STT3B: variants seen among roughly 807,000 people sequenced by gnomAD.
The protein encoded by STT3B is dolichyl-diphosphooligosaccharide--protein glycosyltransferase subunit STT3B.
A neutral mutation model predicts 96.8 loss-of-function variants in STT3B; 29 were observed. The ratio of observed to expected loss-of-function variants is 0.30; its 90% CI spans 0.22 to 0.41. The LOEUF is 0.41. STT3B is among the 10% of genes least tolerant of loss of function. The pLI, the probability that STT3B is intolerant of heterozygous loss-of-function variation, is 1.00. For synonymous variants in STT3B, 367 were observed against 360.0 expected, an observed-to-expected ratio of 1.02 and a Z score of -0.22; for missense variants, 640 against 1,022.3, an observed-to-expected ratio of 0.63 and a Z score of 5.10.
intron 5 of STT3B, among the ~76,000 whole-genome samples, chr3:31,612,598 T>C (rs1046975722): frequency 6.6e-6 from 1 of 152,204 alleles, no homozygotes. Flanking sequence ...CCATCACTCT[T>C]ATTATTAACT....
At chr3:31,602,818 T>G (rs1698960796) in intron 5 of STT3B, among the ~76,000 whole-genome samples, 1 of 152,076 alleles carries the variant, frequency 6.6e-6, no homozygotes, top group Non-Finnish European at 1.5e-5. Context: ...AATTCTCCAC[T>G]CTACCCAACT....
chr3:31,585,679 C>G (rs1698521125), intron 3 of STT3B, among the ~76,000 whole-genome samples: 1 of 152,028 alleles, frequency 6.6e-6, no homozygotes, highest in South Asian at 2.1e-4. Flanking sequence ...TTCTGTTTCT[C>G]TGTCTATATA....
chr3:31,560,757 C>T (rs574020994), intron 1 of STT3B, among the ~76,000 whole-genome samples: 1 of 152,168 alleles, frequency 6.6e-6, no homozygotes, highest in African/African-American at 2.4e-5. Flanking sequence ...TATCTGTTTG[C>T]AGATTTCTGA....
intron 13 of STT3B, among the ~76,000 whole-genome samples, chr3:31,628,084 T>G (rs903549441): frequency 1.3e-5 from 2 of 152,136 alleles, no homozygotes; most frequent in African/African-American, 4.8e-5. Flanking sequence ...GAGTAGATAT[T>G]TCAGTGTTCT....
At chr3:31,619,281 C>G (rs1699379266) in intron 8 of STT3B, among the ~76,000 whole-genome samples, 2 of 152,142 alleles carry the variant, frequency 1.3e-5, no homozygotes, top group South Asian at 2.1e-4. Context: ...TGAAACACTG[C>G]TGGTTCTAAG....
chr3:31,630,534 A>C (rs182215511), intron 14 of STT3B, among the ~76,000 whole-genome samples: 1 of 152,300 alleles, frequency 6.6e-6, no homozygotes, highest in Admixed American at 6.5e-5. Context: ...ATGTGCGCCG[A>C]ACGTCTTAAT....
At chr3:31,533,475 T>G in intron 1 of STT3B, 163 bp downstream of exon 1, 1 of 856,238 alleles carries the variant, frequency 1.2e-6, no homozygotes. Flanking sequence ...GCGCGCCCCC[T>G]GCCCGTGGGC....
At chr3:31,582,792 T>G (rs1698440661) in intron 3 of STT3B, among the ~76,000 whole-genome samples, 1 of 152,232 alleles carries the variant, frequency 6.6e-6, no homozygotes, top group Non-Finnish European at 1.5e-5. Context: ...TTTTATTTTT[T>G]GATCTGTTGG....
chr3:31,534,872 A>G (rs763737592), intron 1 of STT3B, among the ~76,000 whole-genome samples: 3 of 152,174 alleles, frequency 2.0e-5, no homozygotes, highest in Non-Finnish European at 4.4e-5. Context: ...GTTAGTGTAG[A>G]CTATTTATGA....
chr3:31,546,940 T>TA (rs1418212180), intron 1 of STT3B, among the ~76,000 whole-genome samples: 1 of 152,170 alleles, frequency 6.6e-6, no homozygotes, highest in Non-Finnish European at 1.5e-5. Context: ...ACATTTTTGT[T>TA]ACAAAGAATA....
Position 31,625,049 on chromosome 3 carries a change from G to A in STT3B, c.1863G>A (p.Val621=). Reference sequence around the variant, plus strand: ...GAATGGCTAATAGAACTACGTTGGTGGATAATAACACCTGGAATAACAGCC... The same window carrying A: ...GAATGGCTAATAGAACTACGTTGGTAGATAATAACACCTGGAATAACAGCC... The part of the protein sequence containing the change: ...IAGMANRTTL[V]DNNTWNNSHI... Residue 621 remains valine, a synonymous_variant, in exon 12 of 16, where the codon GTG becomes GTA. Transcript: ENST00000295770. 3.1e-6 allele frequency: 5 copies of A among 1,612,700 alleles called. No individual in the cohort carries two copies. The highest frequency in any genetic ancestry group is 4.2e-6 in the Non-Finnish European group (5 of 1,179,338).
At chr3:31,613,850 G>A (rs1699241461) in intron 5 of STT3B, among the ~76,000 whole-genome samples, 1 of 151,934 alleles carries the variant, frequency 6.6e-6, no homozygotes. Flanking sequence ...CAACATTAAT[G>A]TGTTTGGAAA....
At chr3:31,628,010 CT>C (rs1699570697) in intron 13 of STT3B, among the ~76,000 whole-genome samples, 1 of 94,368 alleles carries the variant, frequency 1.1e-5, no homozygotes, top group African/African-American at 2.7e-5. Context: ...TCTACCCCCC[CT>C]AAAAAAAAAA....
rs191428330 is a variant in STT3B, at chr3:31,574,368, A to G, written c.315-2028A>G. The stretch of plus-strand genomic sequence containing the variant: ...ATTTCTTGTCTTGGGAATTCTTTGT[A>G]AATTTAGACCCTTGATGCTTAGCAC... On this transcript the variant is annotated intron_variant, in intron 1 of 15. Coordinates refer to ENST00000295770, the MANE Select transcript of STT3B (RefSeq NM_178862.3). Among the ~76,000 whole-genome samples, 422 of 152,228 alleles carry G rather than the reference A, an allele frequency of 2.8e-3. 4 individuals carry two copies. The highest frequency in any genetic ancestry group is 0.014 in the Middle Eastern group (4 of 294).
At chr3:31,604,965 GA>G (rs1254988753) in intron 5 of STT3B, among the ~76,000 whole-genome samples, 1 of 152,108 alleles carries the variant, frequency 6.6e-6, no homozygotes, top group African/African-American at 2.4e-5. Context: ...GTCAAATAAA[GA>G]TAATAATAGT....
intron 10 of STT3B, among the ~76,000 whole-genome samples, chr3:31,623,220 G>A (rs189751218): frequency 1.4e-4 from 22 of 152,184 alleles, no homozygotes; most frequent in African/African-American, 3.9e-4. Flanking sequence ...TTAGGGTTTC[G>A]AAATCGGAAG....
intron 5 of STT3B, among the ~76,000 whole-genome samples, chr3:31,613,667 C>CT (rs58099043): frequency 6.6e-6 from 1 of 150,882 alleles, no homozygotes; most frequent in African/African-American, 2.4e-5. Context: ...ATGCATGGTT[C>CT]TTTTTTTTTT....
At chr3:31,579,779 T>A in intron 2 of STT3B, 30 bp from the exon 3 acceptor site, 1 of 1,545,160 alleles carries the variant, frequency 6.5e-7, no homozygotes. Flanking sequence ...ATTTTATATG[T>A]AATTAAATTT....
rs995373360 is a variant in STT3B, at chr3:31,597,841, T to G, written c.777+978T>G. On this transcript the variant is annotated intron_variant, in intron 4 of 15. Transcript: ENST00000295770. The stretch of plus-strand genomic sequence containing the variant: ...TCATTTTATTTCATTATTATTATTA[T>G]TATTTTTTTTTTGAGACAGAGTCTG... 1.3e-4 allele frequency among the ~76,000 whole-genome samples: 6 copies of G among 47,614 alleles called. 1 individual carries two copies. The highest frequency in any genetic ancestry group is 2.2e-4 in the African/African-American group (6 of 27,254). The allele number at this position is 47,614 out of a possible 152,430, so 31.2% of individuals were successfully genotyped here.
Sources: allele counts gnomAD v4.1 joint callset (sites outside exome capture counted in the v4.1 genomes callset), GRCh38; gene constraint gnomAD v4.1.1; transcripts MANE v1.5; gene names NCBI Gene and HGNC (gene_info 2026-07-23, HGNC 2026-07-21).